Variants in SLC4A4 observed in about 807,000 individuals in gnomAD.
The protein encoded by SLC4A4 is electrogenic sodium bicarbonate cotransporter 1.
SLC4A4 carries 27 observed loss-of-function variants against 111.5 expected under a neutral mutation model. That is an observed-to-expected ratio of 0.24 (90% CI 0.18 to 0.33). The LOEUF is 0.33. Ranked by LOEUF, SLC4A4 falls within the 10% of genes least tolerant of loss-of-function variation. The pLI is 1.00. For missense variants in SLC4A4, 909 were observed against 1,315.5 expected (o/e 0.69, Z 4.78); for synonymous variants, 443 against 463.4 (o/e 0.96, Z 0.57).
At chr4:71,066,166 T>C (rs562149706) in intron 1 of SLC4A4, among the ~76,000 whole-genome samples, 1 of 152,300 alleles carries the variant, frequency 6.6e-6, no homozygotes, top group African/African-American at 2.4e-5. Flanking sequence ...ACAGTCCAGA[T>C]GGGGCAATTG....
intron 16 of SLC4A4, among the ~76,000 whole-genome samples, chr4:71,502,810 T>C (rs946232151): frequency 1.3e-5 from 2 of 152,146 alleles, no homozygotes; most frequent in South Asian, 4.1e-4. Context: ...TCTGTAGCAG[T>C]TGGATGGAAT....
At chr4:71,194,466 T>C (rs1428806943) in intron 1 of SLC4A4, among the ~76,000 whole-genome samples, 7 of 152,200 alleles carry the variant, frequency 4.6e-5, no homozygotes, top group Admixed American at 1.3e-4. Context: ...GTGCTTTATA[T>C]ATTTTTTTTC....
At chr4:71,415,658 G>A (rs1413098224) in intron 7 of SLC4A4, among the ~76,000 whole-genome samples, 1 of 152,128 alleles carries the variant, frequency 6.6e-6, no homozygotes, top group Non-Finnish European at 1.5e-5. Flanking sequence ...TTTTAATGTT[G>A]GAGAGCACTA....
At chr4:71,283,819 C>G (rs1360158806) in intron 3 of SLC4A4, among the ~76,000 whole-genome samples, 1 of 152,176 alleles carries the variant, frequency 6.6e-6, no homozygotes, top group Non-Finnish European at 1.5e-5. Context: ...GTAAGCTGAT[C>G]CCAGGCTGGT....
chr4:71,403,046 A>G (rs924234969), intron 7 of SLC4A4, among the ~76,000 whole-genome samples: 3 of 152,206 alleles, frequency 2.0e-5, no homozygotes, highest in African/African-American at 7.2e-5. Context: ...GCATCTCCGC[A>G]TTTATTAATG....
At chr4:71,353,537 C>A (rs973072446) in intron 5 of SLC4A4, among the ~76,000 whole-genome samples, 1 of 152,098 alleles carries the variant, frequency 6.6e-6, no homozygotes, top group Non-Finnish European at 1.5e-5. Context: ...CGAAACAGAG[C>A]CCTTATTTCA....
intron 2 of SLC4A4, among the ~76,000 whole-genome samples, chr4:71,162,642 A>G (rs1744643078): frequency 6.6e-6 from 1 of 152,200 alleles, no homozygotes; most frequent in African/African-American, 2.4e-5. Context: ...TGGATTAAAG[A>G]GATTAGCTCA....
chr4:71,106,735 G>A (rs1460673570), intron 2 of SLC4A4, among the ~76,000 whole-genome samples: 1 of 135,290 alleles, frequency 7.4e-6, no homozygotes, highest in African/African-American at 2.8e-5. Context: ...AGATCACATG[G>A]ACACAGGAAG....
Position 71,202,281 on chromosome 4 carries a change from A to C in SLC4A4, c.-2+14880A>C, listed in dbSNP as rs567675428. ...TTGATTCAAAGTAATGTTCTCATGGAGATGCAGTCTCTGCCAATTCATTTC... is the reference window on the plus strand; with the variant it reads ...TTGATTCAAAGTAATGTTCTCATGGCGATGCAGTCTCTGCCAATTCATTTC... On this transcript the variant is annotated intron_variant, in intron 1 of 25. Transcript: ENST00000264485. Among the ~76,000 whole-genome samples, 3 of 152,342 alleles carry C rather than the reference A, an allele frequency of 2.0e-5. No homozygotes were observed. In the South Asian group the frequency reaches 6.2e-4, roughly 32 times the overall value.
chr4:71,111,994 G>A (rs1743103507), intron 2 of SLC4A4, among the ~76,000 whole-genome samples: 1 of 152,176 alleles, frequency 6.6e-6, no homozygotes, highest in Admixed American at 6.5e-5. Context: ...ACTGTGCTTG[G>A]CCTTAAATTT....
chr4:71,180,677 A>C (rs1240877303), intron 2 of SLC4A4, among the ~76,000 whole-genome samples: 2 of 152,186 alleles, frequency 1.3e-5, no homozygotes, highest in African/African-American at 2.4e-5. Flanking sequence ...TTAGAATGGC[A>C]ATCATTAAAA....
At chr4:71,105,294 A>G (rs1315688881) in intron 2 of SLC4A4, among the ~76,000 whole-genome samples, 1 of 150,388 alleles carries the variant, frequency 6.6e-6, no homozygotes, top group East Asian at 2.0e-4. Flanking sequence ...ATGGAAGAAC[A>G]TTCTATGCTC....
chr4:71,434,832 A>T (rs1723976394), intron 7 of SLC4A4, among the ~76,000 whole-genome samples: 1 of 152,178 alleles, frequency 6.6e-6, no homozygotes, highest in Non-Finnish European at 1.5e-5. Context: ...TGCTACAAAG[A>T]GAATAAAATA....
At chr4:71,391,364 C>T (rs528893607) in intron 6 of SLC4A4, among the ~76,000 whole-genome samples, 2 of 152,066 alleles carry the variant, frequency 1.3e-5, no homozygotes, top group South Asian at 2.1e-4. Context: ...GTGAGGAGGA[C>T]GTTTATGTGT....
intron 7 of SLC4A4, among the ~76,000 whole-genome samples, chr4:71,400,895 T>TAA (rs1720296904): frequency 6.6e-6 from 1 of 152,186 alleles, no homozygotes; most frequent in Non-Finnish European, 1.5e-5. Context: ...TTATGTTTGT[T>TAA]TTGAGAAAGC....
chr4:71,115,131 AACAGTGAGATCACATGG>A (rs1159372642), intron 2 of SLC4A4, among the ~76,000 whole-genome samples: 1 of 148,646 alleles, frequency 6.7e-6, no homozygotes, highest in African/African-American at 2.5e-5. Context: ...GTGGGAATTG[AACAGTGAGATCACATGG>A]ACACAGGAAG....
At chr4:71,333,570 C>T (rs941177041) in intron 3 of SLC4A4, among the ~76,000 whole-genome samples, 1 of 152,228 alleles carries the variant, frequency 6.6e-6, no homozygotes, top group Non-Finnish European at 1.5e-5. Context: ...TCCAAGGGCT[C>T]TTCAGTCACC....
rs147198974 is a variant in SLC4A4 at position 71,109,628 on chromosome 4, T to A, written c.-2+16836T>A. ...CACCATCTCAGCTCACTGCAACCTA[T>A]GCCTCTTGGATTCAAGAGATTGTTA... On this transcript the variant is annotated intron_variant, in intron 2 of 26. Transcript: ENST00000649996. Among the ~76,000 whole-genome samples the A allele has an allele frequency of 4.1e-3, 616 of 151,978 alleles. 17 individuals carry two copies. The highest frequency in any genetic ancestry group is 0.032 in the Admixed American group (491 of 15,244).
At chr4:71,556,502 G>A (rs1245049959) in intron 21 of SLC4A4, among the ~76,000 whole-genome samples, 1 of 151,870 alleles carries the variant, frequency 6.6e-6, no homozygotes, top group African/African-American at 2.4e-5. Context: ...GAAACTCAGT[G>A]CATGTTTATT....
Sources: gnomAD v4.1 joint callset for allele counts (sites outside exome capture counted in the v4.1 genomes callset) on GRCh38, gnomAD v4.1.1 for gene constraint, MANE v1.5 for transcripts, NCBI Gene and HGNC (gene_info 2026-07-23, HGNC 2026-07-21) for gene names.